DCAF8L2: variants seen among roughly 807,000 people sequenced by gnomAD.
DCAF8L2 encodes the protein DDB1 and CUL4 associated factor 8 like 2, also known as DDB1- and CUL4-associated factor 8-like protein 2.
For missense variants in DCAF8L2, 430 were observed against 490.7 expected (o/e 0.88, Z 1.17); for synonymous variants, 200 against 190.9 (o/e 1.05, Z -0.39).
the DCAF8L2 span, among the ~76,000 whole-genome samples, chrX:27,575,072 G>A: frequency 1.2e-3 from 138 of 111,444 alleles, 4 homozygotes; most frequent in Non-Finnish European, 4.1e-4. Context: ...GCTCTCAGGC[G>A]ATGGAGGAAC....
chrX:27,724,142 C>G (rs993183709), intron 4 of DCAF8L2, among the ~76,000 whole-genome samples: 5 of 110,536 alleles, frequency 4.5e-5, no homozygotes, highest in Non-Finnish European at 9.5e-5. Context: ...TCCAAACATG[C>G]ATCTTGTATG....
intron 3 of DCAF8L2, among the ~76,000 whole-genome samples, chrX:27,704,660 T>C (rs1931281767): frequency 9.0e-6 from 1 of 110,688 alleles, no homozygotes; most frequent in South Asian, 3.8e-4. Context: ...AGATTTTAGG[T>C]GCTCTTACCT....
chrX:27,676,782 G>A (rs996637738), intron 2 of DCAF8L2, among the ~76,000 whole-genome samples: 8 of 111,586 alleles, frequency 7.2e-5, no homozygotes, highest in African/African-American at 2.0e-4. Context: ...TATCGATTTC[G>A]TGCATGCATT....
chrX:27,690,918 C>T (rs1419471309), intron 3 of DCAF8L2, among the ~76,000 whole-genome samples: 3 of 111,693 alleles, frequency 2.7e-5, no homozygotes, highest in East Asian at 5.6e-4. Context: ...ATGAGAACTA[C>T]AAATTGAGAG....
At chrX:27,696,247 AGGAAGGAAGGAAGAGAGAGAG>A in intron 3 of DCAF8L2, among the ~76,000 whole-genome samples, 1 of 98,267 alleles carries the variant, frequency 1.0e-5, no homozygotes, top group Non-Finnish European at 2.0e-5. Context: ...GAAAGAAAGA[AGGAAGGAAGGAAGAGAGAGAG>A]AGAAAGAAAG....
chrX:27,509,381 G>C, the DCAF8L2 span, among the ~76,000 whole-genome samples: 1 of 111,697 alleles, frequency 9.0e-6, no homozygotes, highest in Admixed American at 9.6e-5. Context: ...GTATAAAACT[G>C]CTGTCTGTTT....
intron 2 of DCAF8L2, among the ~76,000 whole-genome samples, chrX:27,659,409 C>T (rs910240279): frequency 8.9e-6 from 1 of 111,853 alleles, no homozygotes; most frequent in Admixed American, 9.5e-5. Context: ...CTTTTACCTA[C>T]ATCTTGTCAG....
Position 27,747,358 on chromosome X carries a change from G to C in DCAF8L2, c.463G>C (p.Gly155Arg). The change falls in exon 5 of 5, where the codon GGC (glycine) becomes CGC (arginine). Residue 155 changes from glycine (G) to arginine (R), a missense_variant. Transcript: ENST00000451261. Reference protein sequence around the residue: ...EEEQPRAGPQGSGGNHEQYSL... With the variant: ...EEEQPRAGPQRSGGNHEQYSL... ...AGAACAGCCTCGGGCGGGTCCACAA[G>C]GCAGTGGCGGCAACCATGAGCAGTA... 2 of 1,165,184 alleles carry C rather than the reference G, an allele frequency of 1.7e-6. No homozygotes were observed. The highest frequency in any genetic ancestry group is 3.3e-5 in the East Asian group (1 of 30,644).
At chrX:27,686,394 T>C (rs1422040974) in intron 3 of DCAF8L2, among the ~76,000 whole-genome samples, 1 of 111,116 alleles carries the variant, frequency 9.0e-6, no homozygotes, top group Non-Finnish European at 1.9e-5. Context: ...CAGAATCCTA[T>C]TTGACTATAA....
intron 2 of DCAF8L2, among the ~76,000 whole-genome samples, chrX:27,645,922 A>G (rs1928919856): frequency 9.0e-6 from 1 of 111,676 alleles, no homozygotes; most frequent in South Asian, 3.7e-4. Flanking sequence ...GAGAGGACAC[A>G]AGCAGATGGA....
At chrX:27,736,192 G>A (rs1192046358) in intron 4 of DCAF8L2, among the ~76,000 whole-genome samples, 1 of 110,907 alleles carries the variant, frequency 9.0e-6, no homozygotes, top group Non-Finnish European at 1.9e-5. Context: ...TGGCCGACAT[G>A]ATGGTGTACC....
At chrX:27,652,602 A>C (rs2147201703) in intron 2 of DCAF8L2, among the ~76,000 whole-genome samples, 1 of 112,364 alleles carries the variant, frequency 8.9e-6, no homozygotes, top group South Asian at 3.7e-4. Context: ...ACAAGATGAA[A>C]GCTTTTAATT....
chrX:27,686,825 C>T (rs935498859), intron 3 of DCAF8L2, among the ~76,000 whole-genome samples: 4 of 112,238 alleles, frequency 3.6e-5, no homozygotes, highest in East Asian at 2.8e-4. Flanking sequence ...AATTTTTCTA[C>T]GGACTGGGTA....
the DCAF8L2 span, among the ~76,000 whole-genome samples, chrX:27,469,036 CA>C: frequency 8.9e-6 from 1 of 112,039 alleles, no homozygotes; most frequent in Admixed American, 9.5e-5. Context: ...GATCCATAAG[CA>C]GTTTCTGTCA....
chrX:27,656,697 C>A (rs960893950), intron 2 of DCAF8L2, among the ~76,000 whole-genome samples: 3 of 111,431 alleles, frequency 2.7e-5, no homozygotes, highest in African/African-American at 9.8e-5. Context: ...AAATAATATT[C>A]TTTTCTTAGG....
chrX:27,546,361 G>A, the DCAF8L2 span, among the ~76,000 whole-genome samples: 10 of 111,948 alleles, frequency 8.9e-5, no homozygotes, highest in African/African-American at 1.9e-4. Flanking sequence ...ATGGGCTGGC[G>A]TTGAGTGTCT....
chrX:27,614,047 C>T (rs1303116711), intron 1 of DCAF8L2, among the ~76,000 whole-genome samples: 3 of 111,227 alleles, frequency 2.7e-5, no homozygotes, highest in Non-Finnish European at 5.7e-5. Context: ...CTCTTTCTAC[C>T]TCTGGTAGAA....
In DCAF8L2 at chrX:27,748,109, A is replaced by G. The variant is rs776165375; in HGVS notation, c.1214A>G (p.Asn405Ser). 24 of 1,210,217 alleles carry G rather than the reference A, an allele frequency of 2.0e-5. No individual in the cohort carries two copies. The South Asian group carries it at 3.5e-4, about 18-fold the overall frequency. ...AGGAAAATTGATAAGAAAGAAAACA[A>G]TGGCGTGCTCAAGAAATTCACTCCT... is the stretch of plus-strand genomic sequence containing the variant. ...DQRKIDKKENNGVLKKFTPHH... is the reference protein window; with the variant it reads ...DQRKIDKKENSGVLKKFTPHH... Residue 405 changes from asparagine (N) to serine (S), a missense_variant, in exon 5 of 5, where the codon AAT becomes AGT. Asn to Ser is a conservative substitution (Grantham distance 46, BLOSUM62 1). Transcript: ENST00000451261.
chrX:27,486,519 A>G, the DCAF8L2 span, among the ~76,000 whole-genome samples: 1 of 111,874 alleles, frequency 8.9e-6, no homozygotes, highest in Non-Finnish European at 1.9e-5. Flanking sequence ...TTATTTATAT[A>G]CCATAAATTA....
Sources: allele counts gnomAD v4.1 joint callset (sites outside exome capture counted in the v4.1 genomes callset), GRCh38; gene constraint gnomAD v4.1.1; transcripts MANE v1.5; gene names NCBI Gene and HGNC (gene_info 2026-07-23, HGNC 2026-07-21).